The following ORC5 variants were observed in gnomAD, a reference collection of about 807,000 sequenced individuals.
ORC5 encodes the protein origin recognition complex subunit 5, also known as protein phosphatase 1, regulatory subunit 117.
ORC5 carries 39 observed loss-of-function variants against 58.8 expected under a neutral mutation model. The ratio of observed to expected loss-of-function variants is 0.66; its 90% confidence interval spans 0.51 to 0.87. ORC5 has a LOEUF of 0.87. Ranked by LOEUF, ORC5 falls within the 40% of genes least tolerant of loss-of-function variation. The probability of loss-of-function intolerance (pLI) is 0.00; values close to 1 mark genes in which losing one functional copy is unlikely to be tolerated. For missense variants in ORC5, 493 were observed against 506.3 expected, an observed-to-expected ratio of 0.97 and a Z score of 0.25; for synonymous variants, 218 against 177.6, an observed-to-expected ratio of 1.23 and a Z score of -1.81.
intron 11 of ORC5, among the ~76,000 whole-genome samples, chr7:104,163,948 T>C (rs917421029): frequency 6.6e-6 from 1 of 152,246 alleles, no homozygotes; most frequent in Non-Finnish European, 1.5e-5. Flanking sequence ...TTTTTTAGTT[T>C]TGTCAAACCA....
intron 8 of ORC5, among the ~76,000 whole-genome samples, chr7:104,180,776 A>C (rs1318066202): frequency 1.3e-5 from 2 of 152,138 alleles, no homozygotes; most frequent in Non-Finnish European, 2.9e-5. Context: ...ATCAGTGTAA[A>C]ATTACATAAA....
chr7:104,196,887 G>C (rs1366337065), intron 4 of ORC5, among the ~76,000 whole-genome samples: 1 of 151,894 alleles, frequency 6.6e-6, no homozygotes, highest in African/African-American at 2.4e-5. Context: ...TTCCCTTTAT[G>C]AATACGGTGA....
At chr7:104,161,243 A>G in intron 11 of ORC5, 61 bp from the exon 12 acceptor site, 1 of 853,296 alleles carries the variant, frequency 1.2e-6, no homozygotes, top group Non-Finnish European at 2.0e-6. Context: ...CACTTTCTGT[A>G]CTACAAAACT....
chr7:104,183,901 T>A (rs747236093), intron 8 of ORC5, 42 bp downstream of exon 8: 24 of 1,269,484 alleles, frequency 1.9e-5, no homozygotes, highest in Non-Finnish European at 2.7e-5. Flanking sequence ...ATATCCCAAA[T>A]AAAGATATAA....
In ORC5 at chr7:104,184,021, T is replaced by C. The variant is rs751254228; in HGVS notation, c.746A>G (p.Asp249Gly). The part of the protein sequence containing the change: ...PVVKGEASER[D>G]TRKLWRNIEP... ...AATATTTCTCCACAGTTTGCGAGTATCACGTTCACTTGCTACCCCAAAGGG... is the reference window on the plus strand; with the variant it reads ...AATATTTCTCCACAGTTTGCGAGTACCACGTTCACTTGCTACCCCAAAGGG... The change falls in exon 8 of 14, where the codon GAT (aspartate) becomes GGT (glycine). Residue 249 changes from aspartate to glycine, a missense_variant. This residue lies in a region of ORC5 where 412 missense variants were observed against 403.7 expected (regional missense o/e 1.02). Coordinates refer to ENST00000297431, the MANE Select transcript of ORC5 (RefSeq NM_002553.4). The C allele has an allele frequency of 1.6e-5, 26 of 1,613,240 alleles. No individual in the cohort carries two copies. The highest frequency in any genetic ancestry group is 2.1e-5 in the Non-Finnish European group (25 of 1,179,496).
chr7:104,201,026 G>C (rs1186813961), intron 2 of ORC5, 68 bp from the exon 3 acceptor site: 6 of 1,335,416 alleles, frequency 4.5e-6, no homozygotes, highest in Non-Finnish European at 6.3e-6. Flanking sequence ...GGCTGTGCTG[G>C]ATAGTCTCCA....
intron 7 of ORC5, 43 bp from the exon 8 acceptor site, chr7:104,184,076 A>T: frequency 6.3e-7 from 1 of 1,590,254 alleles, no homozygotes; most frequent in East Asian, 2.2e-5. Flanking sequence ...ATATCTTGTA[A>T]AAACCTTTCT....
intron 5 of ORC5, among the ~76,000 whole-genome samples, chr7:104,189,873 T>A (rs1244401820): frequency 6.6e-6 from 1 of 152,142 alleles, no homozygotes; most frequent in East Asian, 1.9e-4. Flanking sequence ...AACCCCAATT[T>A]ATAGCCAGTT....
chr7:104,180,630 G>A (rs1280977512), intron 8 of ORC5, among the ~76,000 whole-genome samples: 1 of 152,068 alleles, frequency 6.6e-6, no homozygotes, highest in African/African-American at 2.4e-5. Context: ...CCCCTGGAAA[G>A]CCTCAAAAGA....
intron 12 of ORC5, among the ~76,000 whole-genome samples, chr7:104,152,345 T>A (rs535414386): frequency 3.3e-5 from 5 of 152,138 alleles, no homozygotes; most frequent in Non-Finnish European, 5.9e-5. Flanking sequence ...GGTCTCACTA[T>A]GTTGCCCAGG....
chr7:104,199,203 TGAG>T (rs1799874410), intron 3 of ORC5, among the ~76,000 whole-genome samples: 1 of 152,096 alleles, frequency 6.6e-6, no homozygotes, highest in African/African-American at 2.4e-5. Flanking sequence ...AGTGGAGCTA[TGAG>T]AAGAGGGCCA....
intron 4 of ORC5, among the ~76,000 whole-genome samples, chr7:104,196,854 G>C (rs1436027592): frequency 6.6e-6 from 1 of 152,022 alleles, no homozygotes; most frequent in East Asian, 1.9e-4. Flanking sequence ...GAATAGTATT[G>C]TTTTGCTCAA....
chr7:104,162,906 A>C (rs1799046743), intron 11 of ORC5, among the ~76,000 whole-genome samples: 1 of 152,224 alleles, frequency 6.6e-6, no homozygotes, highest in South Asian at 2.1e-4. Context: ...CACAAACAAT[A>C]CACAGCATTG....
intron 12 of ORC5, among the ~76,000 whole-genome samples, chr7:104,159,094 T>C (rs1374034971): frequency 6.6e-6 from 1 of 150,986 alleles, no homozygotes; most frequent in African/African-American, 2.4e-5. Context: ...CCAACAATGA[T>C]AGACTGGATT....
Position 104,141,601 on chromosome 7 carries a change from A to C in ORC5, c.1150-4708T>G, listed in dbSNP as rs145734495. Among the ~76,000 whole-genome samples, 961 of 152,330 alleles carry C rather than the reference A, an allele frequency of 6.3e-3. 14 individuals carry two copies. The highest frequency in any genetic ancestry group is 0.022 in the African/African-American group (918 of 41,584). On this transcript the variant is annotated intron_variant, in intron 12 of 13. Coordinates refer to ENST00000297431, the MANE Select transcript of ORC5 (RefSeq NM_002553.4). ...ATATTTATAACTATAAATGAGCACC[A>C]AAAAGCTGTTAGAACTAATAAATGC...
intron 8 of ORC5, among the ~76,000 whole-genome samples, chr7:104,183,098 G>A (rs188971247): frequency 7.1e-4 from 108 of 152,280 alleles, no homozygotes; most frequent in African/African-American, 2.4e-3. Flanking sequence ...TTGCGCCATT[G>A]CACTCCAGCC....
intron 2 of ORC5, among the ~76,000 whole-genome samples, chr7:104,202,995 G>C (rs1799981169): frequency 6.6e-6 from 1 of 152,208 alleles, no homozygotes; most frequent in Non-Finnish European, 1.5e-5. Context: ...GGGTGCTAAG[G>C]TTGCAAAACA....
chr7:104,195,000 T>A (rs190214939), intron 5 of ORC5, 143 bp downstream of exon 5: 60 of 531,782 alleles, frequency 1.1e-4, no homozygotes, highest in African/African-American at 1.0e-3. Flanking sequence ...AAATTCCCAT[T>A]TGAATATCAA....
chr7:104,131,523 C>A (rs1167008041), intron 13 of ORC5, among the ~76,000 whole-genome samples: 1 of 151,984 alleles, frequency 6.6e-6, no homozygotes, highest in Non-Finnish European at 1.5e-5. Context: ...AAATAATAAC[C>A]CTCTCTCAAC....
Sources: gnomAD v4.1 joint callset for allele counts (sites outside exome capture counted in the v4.1 genomes callset) on GRCh38, gnomAD v4.1.1 for gene constraint, gnomAD v4.1.1 regional missense constraint, MANE v1.5 for transcripts, NCBI Gene and HGNC (gene_info 2026-07-23, HGNC 2026-07-21) for gene names.